ARHGEF3: variants seen among roughly 807,000 people sequenced by gnomAD.
The protein encoded by ARHGEF3 is 59.8 kDA protein.
In ARHGEF3, 28 loss-of-function variants were observed where a neutral mutation model predicts 63.2. The ratio of observed to expected loss-of-function variants is 0.44; its 90% CI spans 0.33 to 0.61. ARHGEF3 has a LOEUF of 0.61. Among genes scored for constraint, ARHGEF3 ranks in the 20% least tolerant of loss-of-function variants. The pLI, the probability that ARHGEF3 is intolerant of heterozygous loss-of-function variation, is 0.03. For synonymous variants in ARHGEF3, 266 were observed against 254.2 expected, an observed-to-expected ratio of 1.05 and a Z score of -0.44; for missense variants, 533 against 659.3, an observed-to-expected ratio of 0.81 and a Z score of 2.10.
intron 3 of ARHGEF3, among the ~76,000 whole-genome samples, chr3:56,896,810 G>A (rs1387823229): frequency 2.0e-5 from 3 of 152,314 alleles, no homozygotes; most frequent in African/African-American, 7.2e-5. Context: ...GAATATGACA[G>A]AAGTGACAAT....
intron 2 of ARHGEF3, among the ~76,000 whole-genome samples, chr3:57,014,088 G>T (rs1432936017): frequency 5.9e-5 from 9 of 151,818 alleles, no homozygotes; most frequent in Non-Finnish European, 1.5e-5. Context: ...CCACGAACCC[G>T]CCAGGAGGAA....
chr3:57,047,749 T>C (rs1704517023), intron 1 of ARHGEF3, among the ~76,000 whole-genome samples: 1 of 152,168 alleles, frequency 6.6e-6, no homozygotes. Context: ...CTGTCGATTT[T>C]GGGAGCTGGA....
intron 4 of ARHGEF3, among the ~76,000 whole-genome samples, chr3:56,873,755 T>C (rs1432639584): frequency 6.6e-6 from 1 of 152,118 alleles, no homozygotes; most frequent in Non-Finnish European, 1.5e-5. Context: ...CAGGGCATTG[T>C]TACGATTTCT....
intron 4 of ARHGEF3, among the ~76,000 whole-genome samples, chr3:56,856,330 C>T (rs1025122038): frequency 3.3e-5 from 5 of 152,176 alleles, no homozygotes; most frequent in African/African-American, 1.2e-4. Flanking sequence ...TTTGGAAATC[C>T]AGGCTCTTTC....
chr3:57,056,098 G>T (rs1338151041), intron 1 of ARHGEF3, among the ~76,000 whole-genome samples: 1 of 151,832 alleles, frequency 6.6e-6, no homozygotes, highest in Non-Finnish European at 1.5e-5. Context: ...ATAAAAAATG[G>T]GAGCAGAGGC....
At chr3:57,003,229 C>T (rs1239267451) in intron 2 of ARHGEF3, among the ~76,000 whole-genome samples, 1 of 150,846 alleles carries the variant, frequency 6.6e-6, no homozygotes, top group East Asian at 2.0e-4. Context: ...CATGGTGAAA[C>T]CCTGTCTCTA....
intron 2 of ARHGEF3, among the ~76,000 whole-genome samples, chr3:56,967,951 A>ATAGTT (rs1329946671): frequency 1.8e-5 from 1 of 54,888 alleles, no homozygotes; most frequent in Non-Finnish European, 3.0e-5. Flanking sequence ...ATTATATATT[A>ATAGTT]TATATATAAA....
At chr3:56,876,995 T>G (rs1254259494) in intron 4 of ARHGEF3, among the ~76,000 whole-genome samples, 1 of 152,222 alleles carries the variant, frequency 6.6e-6, no homozygotes, top group Admixed American at 6.5e-5. Context: ...CCCATGCCTG[T>G]GAGATTCCAC....
chr3:56,776,133 T>C (rs937579675), intron 1 of ARHGEF3, among the ~76,000 whole-genome samples: 1 of 152,212 alleles, frequency 6.6e-6, no homozygotes, highest in African/African-American at 2.4e-5. Flanking sequence ...CGGGGGATGA[T>C]CCAGCTGTGT....
chr3:56,894,499 G>A (rs769996422), intron 3 of ARHGEF3, among the ~76,000 whole-genome samples: 5 of 152,104 alleles, frequency 3.3e-5, no homozygotes, highest in African/African-American at 4.8e-5. Context: ...CTCCTGAAAA[G>A]AAAGTTTAGG....
intron 2 of ARHGEF3, among the ~76,000 whole-genome samples, chr3:56,999,463 T>C (rs931920390): frequency 6.6e-6 from 1 of 152,216 alleles, no homozygotes; most frequent in African/African-American, 2.4e-5. Flanking sequence ...CACACTGTCT[T>C]AATTCCAAAT....
At position 56,797,479 on chromosome 3, in the gene ARHGEF3, G is replaced by A. The variant is rs180940036; in HGVS notation, c.96+4224C>T. Among the ~76,000 whole-genome samples the A allele has an allele frequency of 4.1e-3, 629 of 152,212 alleles. 5 individuals carry two copies. Among genetic ancestry groups the A allele is most frequent in the African/African-American group, 0.014 (592 of 41,534 alleles). On this transcript the variant is annotated intron_variant, in intron 1 of 9. Coordinates refer to ENST00000296315, the MANE Select transcript of ARHGEF3 (RefSeq NM_019555.3). ...GATCTCTGAGGTCATATGATTCCTG[G>A]AGTCTATTTAATCATCTGAAGAAAT...
At chr3:56,737,872 A>G (rs2033736289) in intron 7 of ARHGEF3, among the ~76,000 whole-genome samples, 1 of 151,998 alleles carries the variant, frequency 6.6e-6, no homozygotes, top group African/African-American at 2.4e-5. Flanking sequence ...TGGTTTGAAT[A>G]TCTTTTTTTT....
intron 1 of ARHGEF3, chr3:57,076,796 C>T (rs1444706320): frequency 1.3e-5 from 2 of 152,236 alleles, no homozygotes; most frequent in African/African-American, 2.4e-5. Flanking sequence ...ATTGTGCACC[C>T]GCTGTATGCC....
intron 1 of ARHGEF3, among the ~76,000 whole-genome samples, chr3:56,781,748 C>T (rs1207546140): frequency 6.6e-6 from 1 of 152,202 alleles, no homozygotes; most frequent in East Asian, 1.9e-4. Context: ...TGACTTTGTG[C>T]ATTCTTCTTA....
rs951932258 is a variant in ARHGEF3, at chr3:57,028,694, A to T, written c.62+6394T>A. On this transcript the variant is annotated intron_variant, in intron 2 of 12. Coordinates refer to the ARHGEF3 transcript ENST00000338458. ...GTACCCTAAAACTTAAAGTATAATA[A>T]AAAAAAAATAAATAAATAAATAAAA... 1.6e-3 allele frequency among the ~76,000 whole-genome samples: 83 copies of T among 51,818 alleles called. 1 individual carries two copies. Among genetic ancestry groups the T allele is most frequent in the Non-Finnish European group, 2.6e-3 (49 of 18,762 alleles). The allele number at this position is 51,818 out of a possible 152,430, so 34.0% of individuals were successfully genotyped here.
At chr3:56,782,400 G>T (rs1257401762) in intron 1 of ARHGEF3, among the ~76,000 whole-genome samples, 4 of 152,200 alleles carry the variant, frequency 2.6e-5, no homozygotes, top group African/African-American at 9.7e-5. Context: ...CAAAGGGACT[G>T]CAAGCTTTGT....
At chr3:56,989,809 AC>A (rs1476624598) in intron 2 of ARHGEF3, among the ~76,000 whole-genome samples, 1 of 152,204 alleles carries the variant, frequency 6.6e-6, no homozygotes, top group Non-Finnish European at 1.5e-5. Context: ...ACGGGAGCCA[AC>A]CTGGCTGAGC....
At chr3:56,732,464 T>G in intron 8 of ARHGEF3, 40 bp from the exon 9 acceptor site, 1 of 1,607,118 alleles carries the variant, frequency 6.2e-7, no homozygotes, top group Non-Finnish European at 8.5e-7. Context: ...TAAGCAATAA[T>G]GTAATGAGTG....
Sources: gnomAD v4.1 joint callset for allele counts (sites outside exome capture counted in the v4.1 genomes callset) on GRCh38, gnomAD v4.1.1 for gene constraint, MANE v1.5 for transcripts, NCBI Gene and HGNC (gene_info 2026-07-23, HGNC 2026-07-21) for gene names.